The following CSMD1 variants were observed in gnomAD, a reference collection of about 807,000 sequenced individuals.
CSMD1 encodes the protein CUB and sushi domain-containing protein 1.
A neutral mutation model predicts 417.5 loss-of-function variants in CSMD1; 213 were observed. The ratio of observed to expected loss-of-function variants is 0.51; its 90% confidence interval spans 0.46 to 0.57. The LOEUF (loss-of-function observed/expected upper bound fraction) is 0.57. Among genes scored for constraint, CSMD1 ranks in the 20% least tolerant of loss-of-function variants. The pLI is 0.00. For synonymous variants in CSMD1, 2,862 were observed against 1,736.8 expected (o/e 1.65, Z -16.11); for missense variants, 6,923 against 4,529.7 (o/e 1.53, Z -15.17).
intron 1 of CSMD1, among the ~76,000 whole-genome samples, chr8:4,687,293 A>G (rs1806454645): frequency 6.6e-6 from 1 of 152,234 alleles, no homozygotes; most frequent in African/African-American, 2.4e-5. Context: ...CTTACTGAGG[A>G]CAGAGGATGA....
chr8:4,873,448 C>CTT (rs1802855450), intron 1 of CSMD1, among the ~76,000 whole-genome samples: 1 of 152,076 alleles, frequency 6.6e-6, no homozygotes, highest in Non-Finnish European at 1.5e-5. Context: ...AGAATATTCC[C>CTT]TTCTTGAGAA....
At chr8:4,200,176 C>G (rs1037348959) in intron 3 of CSMD1, among the ~76,000 whole-genome samples, 21 of 152,276 alleles carry the variant, frequency 1.4e-4, no homozygotes, top group African/African-American at 4.8e-4. Flanking sequence ...TCCTTTTTAA[C>G]TACCTGGACA....
chr8:3,736,460 G>C (rs373719400), intron 6 of CSMD1, among the ~76,000 whole-genome samples: 23 of 152,190 alleles, frequency 1.5e-4, no homozygotes, highest in African/African-American at 5.3e-4. Context: ...GTCCAGGCTT[G>C]TCTCGAAATC....
At position 3,463,242 on chromosome 8, in the gene CSMD1, G is replaced by C. The variant is rs532321736; in HGVS notation, c.1561+5470C>G. Among the ~76,000 whole-genome samples the C allele has an allele frequency of 3.0e-4, 46 of 152,214 alleles. 1 individual carries two copies. The highest frequency in any genetic ancestry group is 2.6e-3 in the Admixed American group (40 of 15,282). On this transcript the variant is annotated intron_variant, in intron 12 of 69. Coordinates refer to ENST00000635120, the MANE Select transcript of CSMD1 (RefSeq NM_033225.6). ...CCACTTCCTTCTCTGCCTTACAGAC[G>C]ATTCCAAGCACACTCCCAATACCTC...
chr8:4,177,889 A>G lies in CSMD1; in HGVS notation c.416-145790T>C, dbSNP rs575110955. On this transcript the variant is annotated intron_variant, in intron 3 of 69. Coordinates refer to ENST00000635120, the MANE Select transcript of CSMD1 (RefSeq NM_033225.6). ...CCCAAGACTAAACCAGGAAGAAGTT[A>G]AATCTCTGAATAGACCAATAACAGG... Among the ~76,000 whole-genome samples the G allele has an allele frequency of 2.6e-3, 391 of 151,976 alleles. 2 individuals carry two copies. The highest frequency in any genetic ancestry group is 4.2e-3 in the Non-Finnish European group (284 of 67,944).
intron 11 of CSMD1, among the ~76,000 whole-genome samples, chr8:3,474,017 GA>G: frequency 6.6e-6 from 1 of 152,138 alleles, no homozygotes; most frequent in Non-Finnish European, 1.5e-5. Context: ...CAGCATGGGG[GA>G]AACTGCCCCC....
chr8:4,583,875 T>C (rs1454246621), intron 2 of CSMD1, among the ~76,000 whole-genome samples: 2 of 152,066 alleles, frequency 1.3e-5, no homozygotes, highest in Non-Finnish European at 2.9e-5. Flanking sequence ...TTTCACTCTT[T>C]GCAATAAATC....
chr8:3,600,411 C>T (rs1410548357), intron 8 of CSMD1, among the ~76,000 whole-genome samples: 1 of 152,156 alleles, frequency 6.6e-6, no homozygotes. Context: ...AATATGAATA[C>T]AGAAACTTAA....
chr8:4,482,280 G>C (rs144641315), intron 2 of CSMD1, among the ~76,000 whole-genome samples: 2 of 152,018 alleles, frequency 1.3e-5, no homozygotes, highest in African/African-American at 4.8e-5. Context: ...AGTGTGTGTT[G>C]TTCCTCTCTG....
rs549601226 is a variant in CSMD1 at position 4,780,162 on chromosome 8, G to C, written c.86-142604C>G. On this transcript the variant is annotated intron_variant, in intron 1 of 69. Coordinates refer to ENST00000635120, the MANE Select transcript of CSMD1 (RefSeq NM_033225.6). ...TGTGCCATAATTGGCCAGACCTTCA[G>C]CATCTTTGACAACCTAGTGCGCCTA... Among the ~76,000 whole-genome samples the C allele has an allele frequency of 3.9e-5, 6 of 152,174 alleles. No individual in the cohort carries two copies. In the East Asian group the frequency reaches 1.2e-3, roughly 29 times the overall value.
At chr8:4,135,005 G>A (rs1021471700) in intron 3 of CSMD1, among the ~76,000 whole-genome samples, 1 of 151,990 alleles carries the variant, frequency 6.6e-6, no homozygotes, top group Non-Finnish European at 1.5e-5. Flanking sequence ...TCTGCCTCTA[G>A]AATTTTTATT....
intron 49 of CSMD1, among the ~76,000 whole-genome samples, chr8:3,078,512 G>A (rs1171016990): frequency 6.6e-6 from 1 of 152,202 alleles, no homozygotes; most frequent in Non-Finnish European, 1.5e-5. Context: ...CTGCGTTTCA[G>A]TCTGATCTTG....
chr8:4,694,238 T>A (rs146356062), intron 1 of CSMD1, among the ~76,000 whole-genome samples: 18 of 152,290 alleles, frequency 1.2e-4, no homozygotes, highest in African/African-American at 3.1e-4. Flanking sequence ...AATCAGAAAC[T>A]CAAAAGAATG....
chr8:4,126,977 C>G (rs1647333), intron 3 of CSMD1, among the ~76,000 whole-genome samples: 2 of 151,842 alleles, frequency 1.3e-5, no homozygotes, highest in African/African-American at 2.4e-5. Context: ...CAAGCTGATG[C>G]TGGTGCACAT....
At chr8:4,605,368 G>C (rs1423550911) in intron 2 of CSMD1, among the ~76,000 whole-genome samples, 2 of 152,178 alleles carry the variant, frequency 1.3e-5, no homozygotes, top group African/African-American at 2.4e-5. Context: ...AAGAGAGGTT[G>C]AGTCCTGTAA....
At chr8:4,699,876 A>G (rs1328766364) in intron 1 of CSMD1, among the ~76,000 whole-genome samples, 1 of 152,224 alleles carries the variant, frequency 6.6e-6, no homozygotes, top group Non-Finnish European at 1.5e-5. Flanking sequence ...ACAAGAGACA[A>G]AGTTTTTCAG....
At chr8:3,143,451 C>T (rs900387215) in intron 40 of CSMD1, among the ~76,000 whole-genome samples, 7 of 152,148 alleles carry the variant, frequency 4.6e-5, no homozygotes, top group Non-Finnish European at 1.0e-4. Context: ...ATATCATACT[C>T]ATCTGTGAAT....
At chr8:3,074,959 G>A (rs184629584) in intron 49 of CSMD1, among the ~76,000 whole-genome samples, 1 of 152,264 alleles carries the variant, frequency 6.6e-6, no homozygotes, top group East Asian at 1.9e-4. Flanking sequence ...GTGATTGGAT[G>A]ATGGGGCCGG....
intron 4 of CSMD1, among the ~76,000 whole-genome samples, chr8:4,009,879 C>G (rs2554673): frequency 0.36 from 54,624 of 151,736 alleles, 9,913 homozygotes; most frequent in Non-Finnish European, 0.38. Flanking sequence ...TCTCGTACAT[C>G]CTTTGTCTTC....
Sources: allele counts gnomAD v4.1 joint callset (sites outside exome capture counted in the v4.1 genomes callset), GRCh38; gene constraint gnomAD v4.1.1; transcripts MANE v1.5; gene names NCBI Gene and HGNC (gene_info 2026-07-23, HGNC 2026-07-21).